NPHP4: variants seen among roughly 807,000 people sequenced by gnomAD.
The protein encoded by NPHP4 is nephrocystin 4.
Under a neutral mutation model 155.8 loss-of-function variants are expected in NPHP4, and 151 were observed. That is an observed-to-expected ratio of 0.97 (90% CI 0.85 to 1.11). The LOEUF is 1.11. Ranked by LOEUF, NPHP4 falls within the 50% of genes least tolerant of loss-of-function variation. The pLI, the probability that NPHP4 is intolerant of heterozygous loss-of-function variation, is 0.00. For synonymous variants in NPHP4, 845 were observed against 816.8 expected (o/e 1.03, Z -0.59); for missense variants, 1,956 against 1,925.7 (o/e 1.02, Z -0.29).
Position 5,948,109 on chromosome 1 carries a change from G to T in NPHP4, c.953C>A (p.Ala318Asp). Residue 318 changes from alanine to aspartate, a missense_variant, in exon 8 of 30, where the codon GCT (alanine) becomes GAT (aspartate). Physicochemically the swap from Ala to Asp is moderately radical, Grantham distance 126 (BLOSUM62 -2). Coordinates refer to ENST00000378156, the MANE Select transcript of NPHP4 (RefSeq NM_015102.5). ...GGAGACCACTTTCCTGCTGAAGCTA[G>T]CTGAGCGCGTCAAGGCCACATCCAT... ...PEMDVALTRSASFSRKVVSSS... is the reference protein window; with the variant it reads ...PEMDVALTRSDSFSRKVVSSS... 1 of 1,613,862 alleles carries T rather than the reference G, an allele frequency of 6.2e-7. No individual in the cohort carries two copies. The highest frequency in any genetic ancestry group is 8.5e-7 in the Non-Finnish European group (1 of 1,179,866).
intron 17 of NPHP4, chr1:5,888,703 A>C (rs1482645808): frequency 1.0e-6 from 1 of 996,034 alleles, no homozygotes; most frequent in African/African-American, 1.7e-5. Context: ...TTTTCCTCCC[A>C]AATCATTATC....
intron 1 of NPHP4, among the ~76,000 whole-genome samples, chr1:5,987,435 C>G (rs1443199504): frequency 6.6e-6 from 1 of 152,062 alleles, no homozygotes; most frequent in Non-Finnish European, 1.5e-5. Context: ...TCATGACACC[C>G]AGGTGTTATC....
chr1:5,951,713 T>C (rs929623204), intron 7 of NPHP4, among the ~76,000 whole-genome samples: 2 of 152,210 alleles, frequency 1.3e-5, no homozygotes, highest in Non-Finnish European at 2.9e-5. Flanking sequence ...AAGGACAGAT[T>C]ATCGCCTAGA....
chr1:5,935,492 A>G (rs521736), intron 9 of NPHP4, among the ~76,000 whole-genome samples: 145,779 of 152,352 alleles, frequency 0.96, 69,846 homozygotes, highest in East Asian at 1. Flanking sequence ...CCTGTTCCCC[A>G]TCCAGTTAGC....
intron 23 of NPHP4, among the ~76,000 whole-genome samples, chr1:5,869,117 A>G (rs1042871932): frequency 1.6e-4 from 21 of 132,310 alleles, no homozygotes; most frequent in Admixed American, 1.2e-3. Context: ...ACCCACATGC[A>G]CACACGCACA....
rs756355224 is a variant in NPHP4 at position 5,891,001 on chromosome 1, A to G, written c.2171T>C (p.Met724Thr). The G allele has an allele frequency of 3.2e-6, 5 of 1,565,952 alleles. No individual in the cohort carries two copies. Among genetic ancestry groups the G allele is most frequent in the Middle Eastern group, 1.7e-4 (1 of 5,866 alleles). ...TGGCTTCAGGAACCCAGGGCCCACC[A>G]TGTACCTCAGCTGGAAGCCAGGAGA... ...AGSPGFQLRYMVGPGFLKPGE... is the reference protein window; with the variant it reads ...AGSPGFQLRYTVGPGFLKPGE... The change falls in exon 17 of 30, where the codon ATG becomes ACG. Residue 724 changes from methionine to threonine, a missense_variant. By Grantham distance (81) the Met-to-Thr change is moderately conservative (BLOSUM62 -1). Transcript: ENST00000378156.
intron 22 of NPHP4, chr1:5,873,869 TCA>T (rs1642265345): frequency 2.3e-5 from 5 of 214,038 alleles, no homozygotes; most frequent in South Asian, 1.2e-4. Context: ...TGCACACACC[TCA>T]CACACTCCCT....
In NPHP4 at chr1:5,933,281, G is replaced by A. The variant is rs748941493; in HGVS notation, c.1168C>T (p.Arg390Cys). The change falls in exon 10 of 30, where the codon CGC becomes TGC. Residue 390 changes from arginine to cysteine, a missense_variant. By Grantham distance (180) the Arg-to-Cys change is radical. Coordinates refer to ENST00000378156, the MANE Select transcript of NPHP4 (RefSeq NM_015102.5). Reference protein sequence around the residue: ...LSNLACMHMVRWAVWNPLLEA... With the variant: ...LSNLACMHMVCWAVWNPLLEA... Reference sequence around the variant, plus strand: ...AGCAAGGGGTTCCAAACAGCCCAGCGGACCATGTGCATGCATGCCAGGTTG... The same window carrying A: ...AGCAAGGGGTTCCAAACAGCCCAGCAGACCATGTGCATGCATGCCAGGTTG... 121 of 1,613,520 alleles carry A rather than the reference G, an allele frequency of 7.5e-5. No homozygotes were observed. The highest frequency in any genetic ancestry group is 1.0e-4 in the Admixed American group (6 of 60,000).
chr1:5,909,203 C>A lies in NPHP4; in HGVS notation c.1452G>T (p.Ala484=), dbSNP rs776922160. 1 of 1,602,944 alleles carries A rather than the reference C, an allele frequency of 6.2e-7. No homozygotes were observed. The highest frequency in any genetic ancestry group is 8.5e-7 in the Non-Finnish European group (1 of 1,175,136). ...KPPTSPSSPP[A]PVPRVLAAPQ... ...GGGCAGCGAGAACTCGAGGTACTGG[C>A]GCTGGCGGGCCTGGGAGGAAGCACA... The change falls in exon 12 of 30, where the codon GCG becomes GCT. Residue 484 remains alanine, a synonymous_variant. Coordinates refer to ENST00000378156, the MANE Select transcript of NPHP4 (RefSeq NM_015102.5).
At chr1:5,899,376 A>C (rs771909442) in intron 16 of NPHP4, among the ~76,000 whole-genome samples, 1 of 152,222 alleles carries the variant, frequency 6.6e-6, no homozygotes, top group Non-Finnish European at 1.5e-5. Flanking sequence ...CCCACAGACA[A>C]GAGGCCAGCA....
intron 18 of NPHP4, among the ~76,000 whole-genome samples, chr1:5,884,268 C>T (rs763342483): frequency 5.3e-5 from 8 of 152,174 alleles, no homozygotes; most frequent in Non-Finnish European, 1.0e-4. Context: ...CACCGCCAAC[C>T]GTGTGACCCC....
intron 11 of NPHP4, among the ~76,000 whole-genome samples, chr1:5,914,257 CA>C (rs575438284): frequency 0.16 from 7,663 of 46,608 alleles, 359 homozygotes; most frequent in African/African-American, 0.19. Context: ...CTTATCTATA[CA>C]AAAAAAAAAA....
chr1:5,926,017 T>C (rs994903594), intron 11 of NPHP4, among the ~76,000 whole-genome samples: 8 of 152,190 alleles, frequency 5.3e-5, no homozygotes, highest in Admixed American at 6.5e-5. Flanking sequence ...TCAAATGAAA[T>C]TGGAAATTCA....
chr1:5,888,615 A>G, intron 17 of NPHP4: 1 of 1,349,056 alleles, frequency 7.4e-7, no homozygotes, highest in Non-Finnish European at 9.8e-7. Context: ...AGTCTCCTTT[A>G]GGGAACAGCC....
In NPHP4 at chr1:5,863,207, G is replaced by C; in HGVS notation, c.*58C>G. On this transcript the variant is annotated 3_prime_UTR_variant, in exon 30 of 30. Coordinates refer to ENST00000378156, the MANE Select transcript of NPHP4 (RefSeq NM_015102.5). ...GGCGGGGAGGACAGCCTGCAGGGCA[G>C]GAGGGGCACAGACAGGCCCCAGCTG... 6.3e-7 allele frequency: 1 copy of C among 1,594,954 alleles called. No homozygotes were observed. Among genetic ancestry groups the C allele is most frequent in the Non-Finnish European group, 8.6e-7 (1 of 1,163,036 alleles).
chr1:5,871,680 G>A (rs1237342247), intron 23 of NPHP4, among the ~76,000 whole-genome samples: 4 of 152,166 alleles, frequency 2.6e-5, no homozygotes, highest in Non-Finnish European at 5.9e-5. Context: ...ACCTGAGCAC[G>A]GTGACAGCCA....
At chr1:5,991,938 G>A (rs1656419042) in intron 1 of NPHP4, among the ~76,000 whole-genome samples, 1 of 148,278 alleles carries the variant, frequency 6.7e-6, no homozygotes, top group Admixed American at 6.6e-5. Context: ...GCAGGGGGCA[G>A]GGGGCAGGGG....
chr1:5,961,879 C>T lies in NPHP4; in HGVS notation c.588G>A (p.Glu196=), dbSNP rs375338231. 8.1e-6 allele frequency: 13 copies of T among 1,613,794 alleles called. No individual in the cohort carries two copies. In the African/African-American group the frequency reaches 1.6e-4, roughly 20 times the overall value. The change falls in exon 6 of 30, where the codon GAG becomes GAA. Residue 196 remains glutamate, a synonymous_variant. Transcript: ENST00000378156. ...QYTLKPHPAL[E]PAFHLLPENL... ...TCTCAGGAAGAAGGTGGAACGCAGG[C>T]TCCAGGGCCGGGTGTGGCTTCAGCG... is the stretch of plus-strand genomic sequence containing the variant.
intron 11 of NPHP4, among the ~76,000 whole-genome samples, chr1:5,918,091 C>A (rs1312541057): frequency 6.6e-6 from 1 of 151,796 alleles, no homozygotes; most frequent in Non-Finnish European, 1.5e-5. Flanking sequence ...CGACTAATAC[C>A]CTCTAAGAAC....
Sources: allele counts gnomAD v4.1 joint callset (sites outside exome capture counted in the v4.1 genomes callset), GRCh38; gene constraint gnomAD v4.1.1; transcripts MANE v1.5; gene names NCBI Gene and HGNC (gene_info 2026-07-23, HGNC 2026-07-21).